ERBB4: variants seen among roughly 807,000 people sequenced by gnomAD.
ERBB4 encodes receptor tyrosine-protein kinase erbB-4.
A neutral mutation model predicts 158.0 loss-of-function variants in ERBB4; 42 were observed. The observed-to-expected ratio is 0.27, with a 90% confidence interval of 0.21 to 0.34. The LOEUF is 0.34. Ranked by LOEUF, ERBB4 falls within the 10% of genes least tolerant of loss-of-function variation. ERBB4 has a pLI of 1.00. For synonymous variants in ERBB4, 583 were observed against 558.7 expected, an observed-to-expected ratio of 1.04 and a Z score of -0.61; for missense variants, 1,333 against 1,624.1, an observed-to-expected ratio of 0.82 and a Z score of 3.08.
chr2:211,890,347 G>A (rs2078929936), intron 3 of ERBB4, among the ~76,000 whole-genome samples: 1 of 139,832 alleles, frequency 7.2e-6, no homozygotes, highest in Non-Finnish European at 1.6e-5. Flanking sequence ...TCACAGACAA[G>A]CAAATGCTGA....
intron 25 of ERBB4, among the ~76,000 whole-genome samples, chr2:211,400,229 A>T (rs763654873): frequency 5.3e-5 from 8 of 152,216 alleles, no homozygotes; most frequent in East Asian, 3.9e-4. Context: ...TGGGTGCTTT[A>T]TAAGCTTTAT....
At chr2:211,906,722 A>C (rs1411454662) in intron 3 of ERBB4, among the ~76,000 whole-genome samples, 1 of 151,466 alleles carries the variant, frequency 6.6e-6, no homozygotes, top group Non-Finnish European at 1.5e-5. Context: ...ACCCTCAAGT[A>C]GGCCACAGTG....
intron 19 of ERBB4, among the ~76,000 whole-genome samples, chr2:211,580,177 T>C (rs763507444): frequency 1.2e-4 from 19 of 152,078 alleles, no homozygotes; most frequent in Non-Finnish European, 2.5e-4. Flanking sequence ...CATACAGAGG[T>C]ATTATCCGTT....
At chr2:212,425,667 T>C (rs1180513653) in intron 1 of ERBB4, among the ~76,000 whole-genome samples, 1 of 151,914 alleles carries the variant, frequency 6.6e-6, no homozygotes, top group African/African-American at 2.4e-5. Flanking sequence ...AAATTCATCA[T>C]TCCTCCATCT....
chr2:212,491,782 GTTAC>G (rs1307144538), intron 1 of ERBB4, among the ~76,000 whole-genome samples: 2 of 151,376 alleles, frequency 1.3e-5, no homozygotes, highest in Non-Finnish European at 3.0e-5. Context: ...GTGCAATGCT[GTTAC>G]TTATTTTATC....
intron 1 of ERBB4, among the ~76,000 whole-genome samples, chr2:212,485,191 C>T (rs78592198): frequency 2.0e-5 from 3 of 151,900 alleles, no homozygotes; most frequent in African/African-American, 7.3e-5. Context: ...CCAGGAAATA[C>T]CCTATTTTCT....
intron 1 of ERBB4, among the ~76,000 whole-genome samples, chr2:212,134,977 C>T (rs544312554): frequency 1.3e-5 from 2 of 152,042 alleles, no homozygotes; most frequent in African/African-American, 4.8e-5. Flanking sequence ...TGAGCCACCG[C>T]GCCTGGCCTA....
chr2:212,274,529 A>T (rs1349338015), intron 1 of ERBB4, among the ~76,000 whole-genome samples: 7 of 151,870 alleles, frequency 4.6e-5, no homozygotes, highest in Non-Finnish European at 1.0e-4. Flanking sequence ...TAGAAAATTA[A>T]TACAGTAATT....
intron 20 of ERBB4, among the ~76,000 whole-genome samples, chr2:211,532,191 T>C (rs1183707304): frequency 6.6e-6 from 1 of 151,552 alleles, no homozygotes; most frequent in Non-Finnish European, 1.5e-5. Flanking sequence ...TACAAAAAAA[T>C]AGATAGAATG....
intron 1 of ERBB4, among the ~76,000 whole-genome samples, chr2:212,386,288 A>C (rs974959597): frequency 9.9e-5 from 15 of 151,908 alleles, no homozygotes; most frequent in African/African-American, 3.6e-4. Flanking sequence ...TATTTGTATT[A>C]TCTCTCCATG....
intron 1 of ERBB4, among the ~76,000 whole-genome samples, chr2:212,125,720 C>A (rs57201576): frequency 0.1 from 15,282 of 152,126 alleles, 1,590 homozygotes; most frequent in African/African-American, 0.27. Flanking sequence ...GCTTCTAGCT[C>A]CATCCATGTC....
chr2:211,494,160 G>A (rs1305150701), intron 20 of ERBB4, among the ~76,000 whole-genome samples: 1 of 151,954 alleles, frequency 6.6e-6, no homozygotes, highest in Admixed American at 6.6e-5. Flanking sequence ...GTGCTAACAC[G>A]CCCAGCTAAT....
intron 2 of ERBB4, among the ~76,000 whole-genome samples, chr2:211,997,754 T>C (rs1474135866): frequency 6.6e-6 from 1 of 152,014 alleles, no homozygotes; most frequent in Non-Finnish European, 1.5e-5. Flanking sequence ...AAAACCATGT[T>C]GACTGCATTA....
rs141745767 is a variant in ERBB4 at position 211,951,544 on chromosome 2, A to T, written c.235-3928T>A. ...AATCTTTGTATTTGCATATTACTAA[A>T]TATATTTATATTTGAATTAATTGTG... On this transcript the variant is annotated intron_variant, in intron 2 of 27. Coordinates refer to ENST00000342788, the MANE Select transcript of ERBB4 (RefSeq NM_005235.3). 7.5e-3 allele frequency among the ~76,000 whole-genome samples: 1,139 copies of T among 152,222 alleles called. 14 individuals are homozygous for T. The highest frequency in any genetic ancestry group is 0.025 in the African/African-American group (1,048 of 41,554).
intron 4 of ERBB4, 41 bp downstream of exon 4, chr2:211,787,984 G>A (rs1227615315): frequency 3.1e-6 from 5 of 1,595,684 alleles, no homozygotes; most frequent in South Asian, 2.2e-5. Context: ...GCCACATAGG[G>A]TAGAACATTT....
At chr2:212,305,331 A>G (rs1190094947) in intron 1 of ERBB4, among the ~76,000 whole-genome samples, 1 of 151,414 alleles carries the variant, frequency 6.6e-6, no homozygotes, top group Non-Finnish European at 1.5e-5. Flanking sequence ...TTTGTGAAAT[A>G]CTGTGCATAA....
intron 5 of ERBB4, among the ~76,000 whole-genome samples, chr2:211,738,776 C>T (rs2074693827): frequency 1.3e-5 from 2 of 151,804 alleles, no homozygotes; most frequent in South Asian, 4.1e-4. Context: ...AAGCGATTCT[C>T]ATGCGTCAGC....
At position 211,772,924 on chromosome 2, in the gene ERBB4, C is replaced by CACACACACACACACATAT. The variant is rs1181682464; in HGVS notation, c.556+15100_556+15101insATATGTGTGTGTGTGTGT. Among the ~76,000 whole-genome samples, 91 of 36,708 alleles carry CACACACACACACACATAT rather than the reference C, an allele frequency of 2.5e-3. 3 individuals are homozygous for CACACACACACACACATAT. The highest frequency in any genetic ancestry group is 0.013 in the African/African-American group (86 of 6,752). The allele number at this position is 36,708 out of a possible 152,430, so 24.1% of individuals were successfully genotyped here. ...ATATATATATACACACACACACACACATATATATATATATATATATATATA... is the reference window on the plus strand; with the variant it reads ...ATATATATATACACACACACACACACACACACACACACACATATATATATATATATATATATATATATA... On this transcript the variant is annotated intron_variant, in intron 4 of 27. Transcript: ENST00000342788.
At position 211,987,623 on chromosome 2, in the gene ERBB4, T is replaced by A. The variant is rs1285146111; in HGVS notation, c.235-40007A>T. On this transcript the variant is annotated intron_variant, in intron 2 of 27. Transcript: ENST00000342788. The stretch of plus-strand genomic sequence containing the variant: ...ATTGTGATGAAGGCTGGTTTCCTAA[T>A]TTTTTACATTTTTCCTACCTAATTT... Among the ~76,000 whole-genome samples, 3 of 152,202 alleles carry A rather than the reference T, an allele frequency of 2.0e-5. No homozygotes were observed. In the East Asian group the frequency reaches 5.8e-4, roughly 29 times the overall value.
Sources: gnomAD v4.1 joint callset for allele counts (sites outside exome capture counted in the v4.1 genomes callset) on GRCh38, gnomAD v4.1.1 for gene constraint, MANE v1.5 for transcripts, NCBI Gene and HGNC (gene_info 2026-07-23, HGNC 2026-07-21) for gene names.